The following PTPRD variants were observed in gnomAD, a reference collection of about 807,000 sequenced individuals.
PTPRD encodes the protein protein tyrosine phosphatase receptor type D, also known as receptor-type tyrosine-protein phosphatase delta.
Under a neutral mutation model 214.5 loss-of-function variants are expected in PTPRD, and 34 were observed. That is an observed-to-expected ratio of 0.16 (90% CI 0.12 to 0.21). The LOEUF (loss-of-function observed/expected upper bound fraction) is 0.21. PTPRD is among the 10% of genes least tolerant of loss of function. The probability of loss-of-function intolerance (pLI) is 1.00; values close to 1 mark genes in which losing one functional copy is unlikely to be tolerated. For missense variants in PTPRD, 2,545 were observed against 2,398.7 expected, an observed-to-expected ratio of 1.06 and a Z score of -1.27; for synonymous variants, 1,128 against 845.7, an observed-to-expected ratio of 1.33 and a Z score of -5.79.
At chr9:9,144,952 T>TATCA (rs1329880068) in intron 10 of PTPRD, among the ~76,000 whole-genome samples, 7 of 152,342 alleles carry the variant, frequency 4.6e-5, no homozygotes, top group African/African-American at 1.7e-4. Flanking sequence ...TTGGGAAATG[T>TATCA]ATCAGTTTAA....
intron 5 of PTPRD, among the ~76,000 whole-genome samples, chr9:9,882,607 G>A (rs2069138750): frequency 2.0e-5 from 3 of 152,250 alleles, no homozygotes; most frequent in African/African-American, 4.8e-5. Flanking sequence ...CAGACTCTGA[G>A]AATTATCTAT....
chr9:10,452,308 T>C (rs1367418623), intron 2 of PTPRD, among the ~76,000 whole-genome samples: 1 of 151,920 alleles, frequency 6.6e-6, no homozygotes, highest in African/African-American at 2.4e-5. Context: ...ATTTTTAAGA[T>C]ACTGATTTCA....
At chr9:9,439,221 A>G (rs1053048316) in intron 8 of PTPRD, among the ~76,000 whole-genome samples, 3 of 152,144 alleles carry the variant, frequency 2.0e-5, no homozygotes, top group African/African-American at 7.2e-5. Context: ...AGAAGTTTGA[A>G]GCATAAGAAA....
At chr9:9,960,211 T>C (rs1414691415) in intron 4 of PTPRD, among the ~76,000 whole-genome samples, 1 of 120,384 alleles carries the variant, frequency 8.3e-6, no homozygotes, top group Non-Finnish European at 1.7e-5. Flanking sequence ...AAAAAAGGAG[T>C]ATGAAAATTT....
intron 9 of PTPRD, among the ~76,000 whole-genome samples, chr9:9,315,464 G>C (rs567190447): frequency 3.3e-5 from 5 of 151,942 alleles, no homozygotes; most frequent in South Asian, 2.1e-4. Flanking sequence ...AATTTTAAGA[G>C]CCTGCCCATC....
At chr9:9,964,126 G>T (rs1300208173) in intron 4 of PTPRD, among the ~76,000 whole-genome samples, 1 of 110,414 alleles carries the variant, frequency 9.1e-6, no homozygotes, top group Non-Finnish European at 2.2e-5. Context: ...ACAGATGCCT[G>T]TATGGGCTTT....
At chr9:9,172,118 C>T (rs1166736900) in intron 10 of PTPRD, among the ~76,000 whole-genome samples, 1 of 152,128 alleles carries the variant, frequency 6.6e-6, no homozygotes, top group African/African-American at 2.4e-5. Context: ...TAAGTATTCT[C>T]TAAGTGAGCT....
In PTPRD at chr9:8,490,720, A is replaced by G. The variant is rs942485509; in HGVS notation, c.2467+2142T>C. 7.2e-5 allele frequency among the ~76,000 whole-genome samples: 11 copies of G among 152,332 alleles called. No individual in the cohort carries two copies. The East Asian group carries it at 2.1e-3, about 29-fold the overall frequency. The stretch of plus-strand genomic sequence containing the variant: ...AAGAGCCAACATTTTCTTCAGAAGC[A>G]TCCTTGAGGTTATATGAATCTTACG... On this transcript the variant is annotated intron_variant, in intron 27 of 45. Coordinates refer to ENST00000381196, the MANE Select transcript of PTPRD (RefSeq NM_002839.4).
At chr9:9,943,157 G>C (rs1191442952) in intron 4 of PTPRD, among the ~76,000 whole-genome samples, 1 of 152,088 alleles carries the variant, frequency 6.6e-6, no homozygotes, top group Non-Finnish European at 1.5e-5. Flanking sequence ...TATTAGATCT[G>C]TTTTAACCCT....
chr9:8,316,423 T>G lies in PTPRD; in HGVS notation c.*1451A>C, dbSNP rs1385517480. On this transcript the variant is annotated 3_prime_UTR_variant, in exon 46 of 46. Coordinates refer to ENST00000381196, the MANE Select transcript of PTPRD (RefSeq NM_002839.4). Reference sequence around the variant, plus strand: ...AATGCTGTATGCCACAAAATGTTTCTGACTGAACAGAGTAACATGAATTTG... The same window carrying G: ...AATGCTGTATGCCACAAAATGTTTCGGACTGAACAGAGTAACATGAATTTG... 4.3e-6 allele frequency: 1 copy of G among 231,160 alleles called. No individual in the cohort carries two copies. The highest frequency in any genetic ancestry group is 2.2e-5 in the African/African-American group (1 of 45,184). The allele number at this position is 231,160 out of a possible 1,614,324, so 14.3% of individuals were successfully genotyped here.
At chr9:8,325,536 C>A (rs1832784552) in intron 44 of PTPRD, among the ~76,000 whole-genome samples, 1 of 146,446 alleles carries the variant, frequency 6.8e-6, no homozygotes, top group African/African-American at 2.5e-5. Flanking sequence ...AAGCCTTGTT[C>A]TTTTTGCTTA....
chr9:9,752,158 G>T (rs531329768), intron 6 of PTPRD, among the ~76,000 whole-genome samples: 1 of 152,162 alleles, frequency 6.6e-6, no homozygotes, highest in Admixed American at 6.6e-5. Flanking sequence ...GGCACGAGAG[G>T]AGGTTGGAAC....
At chr9:9,680,057 A>T (rs762350140) in intron 7 of PTPRD, among the ~76,000 whole-genome samples, 89 of 152,040 alleles carry the variant, frequency 5.9e-4, no homozygotes, top group South Asian at 1.7e-3. Context: ...TTCTCAAGAT[A>T]AATATGGTAT....
chr9:9,661,777 A>C (rs1348436569), intron 7 of PTPRD, among the ~76,000 whole-genome samples: 1 of 151,816 alleles, frequency 6.6e-6, no homozygotes, highest in Non-Finnish European at 1.5e-5. Context: ...AAGAAAGAGA[A>C]GGAAAAAGGG....
At chr9:9,789,192 C>T (rs1020510447) in intron 5 of PTPRD, among the ~76,000 whole-genome samples, 1 of 152,110 alleles carries the variant, frequency 6.6e-6, no homozygotes, top group African/African-American at 2.4e-5. Flanking sequence ...ATAGGAATTA[C>T]ATGTTAAAAC....
At chr9:8,324,666 G>A (rs1440698319) in intron 44 of PTPRD, among the ~76,000 whole-genome samples, 1 of 152,088 alleles carries the variant, frequency 6.6e-6, no homozygotes, top group Non-Finnish European at 1.5e-5. Flanking sequence ...GATCCTTGAG[G>A]AATCACCAAA....
At chr9:9,413,773 G>C (rs942468906) in intron 8 of PTPRD, among the ~76,000 whole-genome samples, 1 of 152,128 alleles carries the variant, frequency 6.6e-6, no homozygotes, top group South Asian at 2.1e-4. Flanking sequence ...TGTCTCTGAG[G>C]ATTGTTAAGA....
rs1724600722 is a variant in PTPRD, at chr9:8,763,850, A to G, written c.-103-29904T>C. On this transcript the variant is annotated intron_variant, in intron 11 of 45. Transcript: ENST00000381196. ...AGCTAGTCATACACACTTCATAAAA[A>G]GCCACAAAATGTATTTCCTTTTTAA... Among the ~76,000 whole-genome samples the G allele has an allele frequency of 2.6e-5, 4 of 152,194 alleles. No individual in the cohort carries two copies. In the South Asian group the frequency reaches 8.3e-4, roughly 31 times the overall value.
chr9:8,824,234 C>T (rs760101623), intron 11 of PTPRD, among the ~76,000 whole-genome samples: 8 of 152,064 alleles, frequency 5.3e-5, no homozygotes, highest in Non-Finnish European at 1.0e-4. Context: ...CTCATTTTAC[C>T]CAGCTTTTAT....
Sources: allele counts gnomAD v4.1 joint callset (sites outside exome capture counted in the v4.1 genomes callset), GRCh38; gene constraint gnomAD v4.1.1; transcripts MANE v1.5; gene names NCBI Gene and HGNC (gene_info 2026-07-23, HGNC 2026-07-21).